CDK5: variants seen among roughly 807,000 people sequenced by gnomAD.
CDK5 encodes the protein cyclin dependent kinase 5.
A neutral mutation model predicts 44.6 loss-of-function variants in CDK5; 18 were observed. The observed-to-expected ratio is 0.40, with a 90% CI of 0.28 to 0.60. The LOEUF is 0.60. CDK5 is among the 20% of genes least tolerant of loss of function. CDK5 has a pLI of 0.38. For synonymous variants in CDK5, 143 were observed against 152.8 expected (o/e 0.94, Z 0.47); for missense variants, 198 against 368.1 (o/e 0.54, Z 3.78).
At position 151,056,818 on chromosome 7, in the gene CDK5, GCCAGGCAGGT is replaced by G. The variant is rs748993694; in HGVS notation, c.195-32_195-23del. The G allele has an allele frequency of 2.5e-6, 4 of 1,606,138 alleles. No individual in the cohort carries two copies. The East Asian group carries it at 9.0e-5, about 36-fold the overall frequency. Reference sequence around the variant, plus strand: ...AAGCCTAGGGCAAAAGAAGGGCTCAGCCAGGCAGGTCCGCCTGACAGACGTCCAGTGTCAG... The same window carrying G: ...AAGCCTAGGGCAAAAGAAGGGCTCAGCCGCCTGACAGACGTCCAGTGTCAG... On this transcript the variant is annotated intron_variant, in intron 3 of 11. Coordinates refer to ENST00000485972, the MANE Select transcript of CDK5 (RefSeq NM_004935.4). The surrounding 1 kb of genome is among the most constrained non-coding windows in gnomAD (Gnocchi z 4.7).
rs774002632 is a variant in CDK5, at chr7:151,057,036, CCCCT to C, written c.126+32_126+35del. Reference sequence around the variant, plus strand: ...ATCCCACCCAGCCCAGGCCCTCAAACCCCTCCCCAGGCCGTATCCCACTCCCCAG... The same window carrying C: ...ATCCCACCCAGCCCAGGCCCTCAAACCCCCAGGCCGTATCCCACTCCCCAG... On this transcript the variant is annotated intron_variant, in intron 2 of 11. Transcript: ENST00000485972. The surrounding 1 kb of genome is among the most constrained non-coding windows in gnomAD (Gnocchi z 5.2). 6.5e-7 allele frequency: 1 copy of C among 1,537,870 alleles called. No homozygotes were observed. The highest frequency in any genetic ancestry group is 1.4e-5 in the African/African-American group (1 of 73,510).
At chr7:151,055,143 C>A in intron 8 of CDK5, 47 bp from the exon 9 acceptor site, 1 of 1,588,350 alleles carries the variant, frequency 6.3e-7, no homozygotes, top group Non-Finnish European at 8.6e-7. Context: ...AAGGACCCCT[C>A]ACTCTGAGGT....
Position 151,055,087 on chromosome 7 carries a change from T to C in CDK5, c.590A>G (p.Asn197Ser), listed in dbSNP as rs1285531773. The C allele has an allele frequency of 6.2e-7, 1 of 1,612,718 alleles. No individual in the cohort carries two copies. ...GCCGGGAAAAAGAGGCCGCCCAGCA[T>C]TGGCCAGCTCTGGGGGATAGACAGG... ...SAGCIFAELA[N>S]AGRPLFPGND... Residue 197 changes from asparagine (N) to serine (S), a missense_variant, in exon 9 of 12, where the codon AAT becomes AGT. By Grantham distance (46) the Asn-to-Ser change is conservative. Coordinates refer to ENST00000485972, the MANE Select transcript of CDK5 (RefSeq NM_004935.4).
In CDK5 at chr7:151,057,797, T is replaced by C; in HGVS notation, c.37+15A>G. On this transcript the variant is annotated intron_variant, in intron 1 of 11. Transcript: ENST00000485972. This position sits in a 1 kb window ranked among gnomAD's most constrained non-coding sequence, Gnocchi z 5.2. ...GCAGAGGAGCTCTTGCAGGAACATCTCGAGATTCCATTACCTTCCCCAATC... is the reference window on the plus strand; with the variant it reads ...GCAGAGGAGCTCTTGCAGGAACATCCCGAGATTCCATTACCTTCCCCAATC... The C allele has an allele frequency of 6.2e-7, 1 of 1,609,294 alleles. No individual in the cohort carries two copies.
chr7:151,054,588 C>T lies in CDK5; in HGVS notation c.651-123G>A. The T allele has an allele frequency of 1.1e-6, 1 of 904,284 alleles. No individual in the cohort carries two copies. The highest frequency in any genetic ancestry group is 1.7e-6 in the Non-Finnish European group (1 of 599,202). 56.0% of individuals were successfully genotyped at this position (904,284 alleles called of 1,614,324 possible). On this transcript the variant is annotated intron_variant, in intron 9 of 11. Coordinates refer to ENST00000485972, the MANE Select transcript of CDK5 (RefSeq NM_004935.4). This position sits in a 1 kb window ranked among gnomAD's most constrained non-coding sequence, Gnocchi z 5.7. ...ACCCACCGCCCACTTCTCACCCTCCCTTTACCCTCCGGCTTGAGCTTGACA... is the reference window on the plus strand; with the variant it reads ...ACCCACCGCCCACTTCTCACCCTCCTTTTACCCTCCGGCTTGAGCTTGACA...
intron 8 of CDK5, 42 bp from the exon 9 acceptor site, chr7:151,055,138 C>T (rs758784706): frequency 6.8e-5 from 108 of 1,591,648 alleles, no homozygotes; most frequent in Non-Finnish European, 5.1e-5. Flanking sequence ...ATGTGAAGGA[C>T]CCCTCACTCT....
rs529902552 is a variant in CDK5, at chr7:151,053,828, C to A, written c.*181G>T. ...CATCAACCAGACTGTGGGAAAGGAGCCAATTTATGAAATTAAATAAAGTCC... is the reference window on the plus strand; with the variant it reads ...CATCAACCAGACTGTGGGAAAGGAGACAATTTATGAAATTAAATAAAGTCC... On this transcript the variant is annotated 3_prime_UTR_variant, in exon 12 of 12. Coordinates refer to ENST00000485972, the MANE Select transcript of CDK5 (RefSeq NM_004935.4). 5 of 607,036 alleles carry A rather than the reference C, an allele frequency of 8.2e-6. No individual in the cohort carries two copies. In the East Asian group the frequency reaches 1.1e-4, roughly 13 times the overall value. The allele number at this position is 607,036 out of a possible 1,614,324, so 37.6% of individuals were successfully genotyped here. A position where few individuals can be genotyped will look rare whatever the true frequency, so the allele number is the denominator to read the frequency against.
At position 151,053,887 on chromosome 7, in the gene CDK5, C is replaced by T. The variant is rs1796841127; in HGVS notation, c.*122G>A. On this transcript the variant is annotated 3_prime_UTR_variant, in exon 12 of 12. Coordinates refer to ENST00000485972, the MANE Select transcript of CDK5 (RefSeq NM_004935.4). ...AGTGAGAAATTCGGGCTCAGGCACC[C>T]CACCCCGGCTGGGCCCAGCACTGCT... 1 of 798,348 alleles carries T rather than the reference C, an allele frequency of 1.3e-6. No individual in the cohort carries two copies. Among genetic ancestry groups the T allele is most frequent in the Non-Finnish European group, 2.0e-6 (1 of 507,240 alleles). The allele number at this position is 798,348 out of a possible 1,614,324, so 49.5% of individuals were successfully genotyped here.
In CDK5 at chr7:151,054,006, G is replaced by A. The variant is rs1260703595; in HGVS notation, c.*3C>T. 4 of 1,584,760 alleles carry A rather than the reference G, an allele frequency of 2.5e-6. No individual in the cohort carries two copies. The highest frequency in any genetic ancestry group is 3.4e-6 in the Non-Finnish European group (4 of 1,166,302). ...CCAGCCTGGAGGCCGGGGGTCCCGGGGCCTAGGGCGGACAGAAGTCGGAGA... is the reference window on the plus strand; with the variant it reads ...CCAGCCTGGAGGCCGGGGGTCCCGGAGCCTAGGGCGGACAGAAGTCGGAGA... On this transcript the variant is annotated 3_prime_UTR_variant, in exon 12 of 12. Transcript: ENST00000485972. This position sits in a 1 kb window ranked among gnomAD's most constrained non-coding sequence, Gnocchi z 5.7.
At position 151,054,102 on chromosome 7, in the gene CDK5, A is replaced by T; in HGVS notation, c.793-7T>A. The T allele has an allele frequency of 5.6e-6, 9 of 1,597,458 alleles. No homozygotes were observed. The highest frequency in any genetic ancestry group is 7.7e-6 in the Non-Finnish European group (9 of 1,171,982). On this transcript the variant is annotated splice_polypyrimidine_tract_variant and splice_region_variant and intron_variant, in intron 11 of 11. Coordinates refer to ENST00000485972, the MANE Select transcript of CDK5 (RefSeq NM_004935.4). The surrounding 1 kb of genome is among the most constrained non-coding windows in gnomAD (Gnocchi z 5.7). Reference sequence around the variant, plus strand: ...GGTTACACTTCAGAAGGTTCTGGAGATGGGGGAAAGGAGGTGGCAGGTTCA... The same window carrying T: ...GGTTACACTTCAGAAGGTTCTGGAGTTGGGGGAAAGGAGGTGGCAGGTTCA...
chr7:151,057,303 G>T lies in CDK5; in HGVS notation c.38-143C>A. On this transcript the variant is annotated intron_variant, in intron 1 of 11. Transcript: ENST00000485972. The surrounding 1 kb of genome is among the most constrained non-coding windows in gnomAD (Gnocchi z 5.2). ...GAAGGTAGGTTGGTGAGCTTTGTGA[G>T]TGAGGATGTGGCAGGTGGGGAGGGA... The T allele has an allele frequency of 1.4e-6, 1 of 737,534 alleles. No individual in the cohort carries two copies. Among genetic ancestry groups the T allele is most frequent in the Non-Finnish European group, 2.4e-6 (1 of 409,776 alleles). The allele number at this position is 737,534 out of a possible 1,614,324, so 45.7% of individuals were successfully genotyped here. A position where few individuals can be genotyped will look rare whatever the true frequency, so the allele number is the denominator to read the frequency against.
rs769355512 is a variant in CDK5 at position 151,055,287 on chromosome 7, G to A, written c.570C>T (p.Cys190=). 3.7e-6 allele frequency: 6 copies of A among 1,613,216 alleles called. No homozygotes were observed. The Admixed American group carries it at 8.3e-5, about 22-fold the overall frequency. Residue 190 remains cysteine (C), a synonymous_variant, in exon 8 of 12, where the codon TGC becomes TGT. Transcript: ENST00000485972. ...STSIDMWSAG[C]IFAELANAGR... ...ACCCCAGCACATCACCTGCAAAGATGCAGCCGGCTGACCACATGTCGATGG... is the reference window on the plus strand; with the variant it reads ...ACCCCAGCACATCACCTGCAAAGATACAGCCGGCTGACCACATGTCGATGG...
Position 151,057,447 on chromosome 7 carries a change from G to A in CDK5, c.38-287C>T. ...AAGGGTCTGGAAATAGTGAGGAGGG[G>A]TCTGGGAGAGGACTGAGGGGCTGCA... is the stretch of plus-strand genomic sequence containing the variant. On this transcript the variant is annotated intron_variant, in intron 1 of 11. Transcript: ENST00000485972. This position sits in a 1 kb window ranked among gnomAD's most constrained non-coding sequence, Gnocchi z 5.2. The A allele has an allele frequency of 3.4e-6, 2 of 590,344 alleles. No homozygotes were observed. The highest frequency in any genetic ancestry group is 3.0e-6 in the Non-Finnish European group (1 of 331,488). 36.6% of individuals were successfully genotyped at this position (590,344 alleles called of 1,614,324 possible).
At position 151,055,013 on chromosome 7, in the gene CDK5, G is replaced by T. The variant is rs182527190; in HGVS notation, c.650+14C>A. Reference sequence around the variant, plus strand: ...CCCTCCCAGAGGGCTCAAGGCAGAGGAAAGCAAGGATATCGGAAGATCCTC... The same window carrying T: ...CCCTCCCAGAGGGCTCAAGGCAGAGTAAAGCAAGGATATCGGAAGATCCTC... On this transcript the variant is annotated intron_variant, in intron 9 of 11. Transcript: ENST00000485972. 118 of 1,613,544 alleles carry T rather than the reference G, an allele frequency of 7.3e-5. No homozygotes were observed. The African/African-American group carries it at 1.3e-3, about 18-fold the overall frequency.
In CDK5 at chr7:151,056,433, C is replaced by G; in HGVS notation, c.312+147G>C. 1.4e-6 allele frequency: 1 copy of G among 690,796 alleles called. No individual in the cohort carries two copies. The highest frequency in any genetic ancestry group is 2.6e-6 in the Non-Finnish European group (1 of 391,200). The allele number at this position is 690,796 out of a possible 1,614,324, so 42.8% of individuals were successfully genotyped here. Reference sequence around the variant, plus strand: ...GAAAATGCTCACTAAGACTGGAGACCCCTGGAGGACAGAAACAGGGTTTTC... The same window carrying G: ...GAAAATGCTCACTAAGACTGGAGACGCCTGGAGGACAGAAACAGGGTTTTC... On this transcript the variant is annotated intron_variant, in intron 5 of 11. Transcript: ENST00000485972. This position sits in a 1 kb window ranked among gnomAD's most constrained non-coding sequence, Gnocchi z 4.7.
Position 151,056,497 on chromosome 7 carries a change from C to T in CDK5, c.312+83G>A. ...CCCTAGAGTGTCCCTGTTCAGGGCC[C>T]AAACTTAGAGCCCAAGGGGTGCTTA... On this transcript the variant is annotated intron_variant, in intron 5 of 11. Transcript: ENST00000485972. This position sits in a 1 kb window ranked among gnomAD's most constrained non-coding sequence, Gnocchi z 4.7. 2 of 1,304,750 alleles carry T rather than the reference C, an allele frequency of 1.5e-6. No individual in the cohort carries two copies. The highest frequency in any genetic ancestry group is 1.1e-6 in the Non-Finnish European group (1 of 915,136). 80.8% of individuals were successfully genotyped at this position (1,304,750 alleles called of 1,614,324 possible). A position where few individuals can be genotyped will look rare whatever the true frequency, so the allele number is the denominator to read the frequency against.
chr7:151,053,878 T>C lies in CDK5; in HGVS notation c.*131A>G. On this transcript the variant is annotated 3_prime_UTR_variant, in exon 12 of 12. Transcript: ENST00000485972. ...CACAAAGGGAGTGAGAAATTCGGGC[T>C]CAGGCACCCCACCCCGGCTGGGCCC... 1.4e-6 allele frequency: 1 copy of C among 719,696 alleles called. No homozygotes were observed. Among genetic ancestry groups the C allele is most frequent in the South Asian group, 1.8e-5 (1 of 54,942 alleles). 44.6% of individuals were successfully genotyped at this position (719,696 alleles called of 1,614,324 possible). A position where few individuals can be genotyped will look rare whatever the true frequency, so the allele number is the denominator to read the frequency against.
In CDK5 at chr7:151,054,722, C is replaced by G. The variant is rs935117781; in HGVS notation, c.651-257G>C. On this transcript the variant is annotated intron_variant, in intron 9 of 11. Coordinates refer to ENST00000485972, the MANE Select transcript of CDK5 (RefSeq NM_004935.4). The surrounding 1 kb of genome is among the most constrained non-coding windows in gnomAD (Gnocchi z 5.7). ...TAATGAAACAGTCCTTGCCCTGCTC[C>G]CACAAAATGTGTCCTGTTCTCTTTG... Among the ~76,000 whole-genome samples the G allele has an allele frequency of 3.5e-4, 54 of 152,304 alleles. No homozygotes were observed. The highest frequency in any genetic ancestry group is 1.3e-3 in the African/African-American group (53 of 41,556).
chr7:151,055,417 T>G (rs1796875951), intron 7 of CDK5, 44 bp from the exon 8 acceptor site: 5 of 1,564,846 alleles, frequency 3.2e-6, no homozygotes, highest in African/African-American at 1.4e-5. Context: ...CTTAGAGGAC[T>G]GGGGAGGAGG....
Sources: allele counts gnomAD v4.1 joint callset (sites outside exome capture counted in the v4.1 genomes callset), GRCh38; gene constraint gnomAD v4.1.1; non-coding constraint Gnocchi (gnomAD v3.1); transcripts MANE v1.5; gene names NCBI Gene and HGNC (gene_info 2026-07-23, HGNC 2026-07-21).